GPAT4: variants seen among roughly 807,000 people sequenced by gnomAD.
GPAT4 encodes the protein 1-AGP acyltransferase 6.
In GPAT4, 17 loss-of-function variants were observed where a neutral mutation model predicts 58.0. The ratio of observed to expected loss-of-function variants is 0.29; its 90% CI spans 0.20 to 0.44. GPAT4 has a LOEUF of 0.44. Ranked by LOEUF, GPAT4 falls within the 20% of genes least tolerant of loss-of-function variation. The probability of loss-of-function intolerance (pLI) is 1.00; values close to 1 mark genes in which losing one functional copy is unlikely to be tolerated. For synonymous variants in GPAT4, 204 were observed against 210.1 expected (o/e 0.97, Z 0.25); for missense variants, 377 against 574.5 (o/e 0.66, Z 3.51).
intron 12 of GPAT4, chr8:41,619,259 G>A (rs1325092238): frequency 1.0e-5 from 5 of 484,810 alleles, no homozygotes; most frequent in South Asian, 9.9e-5. Context: ...CTCTGGGTGG[G>A]CATGACCTGC....
intron 1 of GPAT4, among the ~76,000 whole-genome samples, chr8:41,582,707 A>G (rs1336023658): frequency 1.3e-5 from 2 of 149,660 alleles, no homozygotes; most frequent in African/African-American, 2.5e-5. Context: ...GTGTATCTCA[A>G]AACATCACAT....
In GPAT4 at chr8:41,620,812, G is replaced by A; in HGVS notation, c.1263-81G>A. 4 of 1,527,516 alleles carry A rather than the reference G, an allele frequency of 2.6e-6. No individual in the cohort carries two copies. In the South Asian group the frequency reaches 4.9e-5, roughly 19 times the overall value. The allele number at this position is 1,527,516 out of a possible 1,614,324, so 94.6% of individuals were successfully genotyped here. A position where few individuals can be genotyped will look rare whatever the true frequency, so the allele number is the denominator to read the frequency against. Reference sequence around the variant, plus strand: ...CTGGCAGGTTTTTCTTGGTGTTTGGGCAGCATGGTGCATCTCCCATGGTGT... The same window carrying A: ...CTGGCAGGTTTTTCTTGGTGTTTGGACAGCATGGTGCATCTCCCATGGTGT... On this transcript the variant is annotated intron_variant, in intron 12 of 12. Transcript: ENST00000396987.
At chr8:41,603,073 A>G (rs988117807) in intron 2 of GPAT4, among the ~76,000 whole-genome samples, 1 of 152,198 alleles carries the variant, frequency 6.6e-6, no homozygotes, top group Admixed American at 6.5e-5. Context: ...ATTCTCTAGC[A>G]AGGAGAGACC....
At position 41,590,878 on chromosome 8, in the gene GPAT4, A is replaced by T. The variant is rs1006860406; in HGVS notation, c.-848-7414A>T. Among the ~76,000 whole-genome samples, 3 of 151,688 alleles carry T rather than the reference A, an allele frequency of 2.0e-5. No individual in the cohort carries two copies. In the South Asian group the frequency reaches 6.2e-4, roughly 32 times the overall value. ...GATGTGTAAAATGCAAATCATACAGATTGATGGACTGGGGATAAACAAACG... is the reference window on the plus strand; with the variant it reads ...GATGTGTAAAATGCAAATCATACAGTTTGATGGACTGGGGATAAACAAACG... On this transcript the variant is annotated intron_variant, in intron 1 of 12. Transcript: ENST00000396987.
chr8:41,613,618 G>C (rs1278044051), intron 8 of GPAT4, among the ~76,000 whole-genome samples: 2 of 152,268 alleles, frequency 1.3e-5, no homozygotes, highest in African/African-American at 2.4e-5. Context: ...AATGCAAAGA[G>C]ATTTGCAGCA....
At chr8:41,593,562 G>A (rs1015152780) in intron 1 of GPAT4, among the ~76,000 whole-genome samples, 2 of 152,170 alleles carry the variant, frequency 1.3e-5, no homozygotes, top group African/African-American at 4.8e-5. Context: ...TATGGCCCAC[G>A]ACTCTGGAGG....
chr8:41,605,239 G>T (rs185215717), intron 2 of GPAT4, among the ~76,000 whole-genome samples: 583 of 152,314 alleles, frequency 3.8e-3, no homozygotes, highest in Middle Eastern at 0.034. Flanking sequence ...GTGTAGTCTA[G>T]TAGGAAAGAC....
chr8:41,608,819 G>T (rs1199969277), intron 2 of GPAT4, among the ~76,000 whole-genome samples: 3 of 149,264 alleles, frequency 2.0e-5, no homozygotes, highest in Non-Finnish European at 3.0e-5. Flanking sequence ...TTGAATCTGG[G>T]TTTTTTTTTT....
intron 1 of GPAT4, among the ~76,000 whole-genome samples, chr8:41,591,202 C>T (rs1180638194): frequency 2.0e-5 from 3 of 152,062 alleles, no homozygotes; most frequent in South Asian, 2.1e-4. Flanking sequence ...GGGATTTTCA[C>T]GATGCTTTTC....
chr8:41,582,444 TACACAC>T (rs71548104), intron 1 of GPAT4, among the ~76,000 whole-genome samples: 287 of 141,706 alleles, frequency 2.0e-3, no homozygotes, highest in African/African-American at 4.3e-3. Context: ...TGGGAAAGTA[TACACAC>T]ACACACACAC....
chr8:41,616,751 A>G (rs1803605926), intron 10 of GPAT4, among the ~76,000 whole-genome samples: 1 of 152,180 alleles, frequency 6.6e-6, no homozygotes, highest in Non-Finnish European at 1.5e-5. Flanking sequence ...ATGCTTATAA[A>G]TTTTAGATAC....
chr8:41,599,826 T>C (rs1185817673), intron 2 of GPAT4, among the ~76,000 whole-genome samples: 1 of 152,320 alleles, frequency 6.6e-6, no homozygotes, highest in South Asian at 2.1e-4. Flanking sequence ...ACCAAACTGG[T>C]CACATTGTAA....
At chr8:41,578,660 C>T (rs1368451434) in intron 1 of GPAT4, 1 of 152,352 alleles carries the variant, frequency 6.6e-6, no homozygotes, top group Non-Finnish European at 1.5e-5. Context: ...CAGGAAGCGC[C>T]TTCCCCTGTC....
At chr8:41,613,855 T>G (rs7843597) in intron 8 of GPAT4, among the ~76,000 whole-genome samples, 70,979 of 151,792 alleles carry the variant, frequency 0.47, 16,937 homozygotes, top group African/African-American at 0.55. Flanking sequence ...GGGTGAGACT[T>G]CAGTGAGCTA....
intron 1 of GPAT4, among the ~76,000 whole-genome samples, chr8:41,596,384 C>G (rs767529998): frequency 2.0e-5 from 3 of 152,198 alleles, no homozygotes; most frequent in Non-Finnish European, 2.9e-5. Context: ...ACCAAAGTAT[C>G]AAGCAATCCA....
At chr8:41,618,850 T>C in intron 11 of GPAT4, 38 bp downstream of exon 11, 1 of 1,614,216 alleles carries the variant, frequency 6.2e-7, no homozygotes, top group Non-Finnish European at 8.5e-7. Flanking sequence ...GCCTGCTCTG[T>C]GTAACGTCAA....
rs372694683 is a variant in GPAT4 at position 41,612,838 on chromosome 8, C to T, written c.796-7C>T. 9.1e-5 allele frequency: 146 copies of T among 1,612,838 alleles called. No homozygotes were observed. In the East Asian group the frequency reaches 1.7e-3, roughly 18 times the overall value. On this transcript the variant is annotated splice_region_variant and splice_polypyrimidine_tract_variant and intron_variant, in intron 7 of 12. Transcript: ENST00000396987. ...TCACTACTAATGAGTCCTGTGCCTG[C>T]GCTTAGGTGGGTCAAGTGCACGGGG...
Position 41,580,486 on chromosome 8 carries a change from A to T in GPAT4, c.-849+2208A>T, listed in dbSNP as rs1039526824. On this transcript the variant is annotated intron_variant, in intron 1 of 12. Transcript: ENST00000396987. ...TGCATTTCCTAGCAAAATTTATGCT[A>T]TTACATTTCCTTATCTCAACAAAGA... Among the ~76,000 whole-genome samples, 3 of 152,274 alleles carry T rather than the reference A, an allele frequency of 2.0e-5. No individual in the cohort carries two copies. The East Asian group carries it at 5.8e-4, about 29-fold the overall frequency.
At chr8:41,596,477 G>T (rs1236313481) in intron 1 of GPAT4, among the ~76,000 whole-genome samples, 4 of 152,212 alleles carry the variant, frequency 2.6e-5, no homozygotes, top group Admixed American at 1.3e-4. Flanking sequence ...AATGGAGTGG[G>T]CAAGTTCCAA....
Sources: gnomAD v4.1 joint callset for allele counts (sites outside exome capture counted in the v4.1 genomes callset) on GRCh38, gnomAD v4.1.1 for gene constraint, MANE v1.5 for transcripts, NCBI Gene and HGNC (gene_info 2026-07-23, HGNC 2026-07-21) for gene names.